Variants in ASZ1 observed in about 807,000 individuals in gnomAD.
ASZ1 encodes the protein ankyrin repeat, SAM and basic leucine zipper domain containing 1, also known as ankyrin repeat, SAM and basic leucine zipper domain-containing protein 1.
A neutral mutation model predicts 61.8 loss-of-function variants in ASZ1; 67 were observed. The observed-to-expected ratio is 1.08, with a 90% CI of 0.89 to 1.33. The LOEUF is 1.33. Ranked by LOEUF, ASZ1 falls within the 40% of genes most tolerant of loss-of-function variation. The pLI is 0.00. For synonymous variants in ASZ1, 193 were observed against 192.7 expected (o/e 1.00, Z -0.01); for missense variants, 577 against 554.5 (o/e 1.04, Z -0.41).
chr7:117,423,114 C>A (rs912746789), intron 2 of ASZ1, among the ~76,000 whole-genome samples: 1 of 152,104 alleles, frequency 6.6e-6, no homozygotes, highest in East Asian at 1.9e-4. Flanking sequence ...TGGACAACAA[C>A]AAATTAAAAA....
At chr7:117,368,030 T>C (rs1362641775) in intron 11 of ASZ1, 2 of 361,786 alleles carry the variant, frequency 5.5e-6, no homozygotes, top group Non-Finnish European at 7.7e-6. Flanking sequence ...CACAGGTGCA[T>C]GCCATCATGC....
intron 4 of ASZ1, among the ~76,000 whole-genome samples, chr7:117,398,078 T>C (rs1029773019): frequency 2.6e-5 from 4 of 152,218 alleles, no homozygotes; most frequent in Admixed American, 1.3e-4. Context: ...AAAGGTAAAA[T>C]GGTTGGTCTT....
intron 11 of ASZ1, 191 bp downstream of exon 11, chr7:117,368,421 A>G: frequency 8.0e-7 from 1 of 1,255,314 alleles, no homozygotes; most frequent in Non-Finnish European, 1.0e-6. Context: ...GAAGGCAAGA[A>G]TACAAAGTTT....
chr7:117,366,651 A>G (rs1210047547), intron 12 of ASZ1, among the ~76,000 whole-genome samples: 1 of 151,652 alleles, frequency 6.6e-6, no homozygotes, highest in Non-Finnish European at 1.5e-5. Context: ...ATACAGATAT[A>G]TATTATATAT....
chr7:117,382,875 GTAAACATTTAAAATATCATATATTT>G, intron 7 of ASZ1, 86 bp downstream of exon 7: 5 of 1,168,492 alleles, frequency 4.3e-6, no homozygotes, highest in Non-Finnish European at 4.4e-6. Context: ...AAAAATGCTT[GTAAACATTTAAAATATCATATATTT>G]TAAATAAGTC....
At chr7:117,382,184 A>G (rs777563848) in intron 7 of ASZ1, 40 bp from the exon 8 acceptor site, 8 of 1,163,454 alleles carry the variant, frequency 6.9e-6, no homozygotes, top group African/African-American at 1.5e-5. Flanking sequence ...AGAACAGATT[A>G]TAAATGCACA....
intron 9 of ASZ1, among the ~76,000 whole-genome samples, chr7:117,380,689 A>G (rs1266909271): frequency 6.6e-6 from 1 of 151,788 alleles, no homozygotes; most frequent in Non-Finnish European, 1.5e-5. Context: ...CCATATACAT[A>G]AAAAAACTAT....
At chr7:117,407,005 TTTGA>T (rs1422998052) in intron 4 of ASZ1, among the ~76,000 whole-genome samples, 1 of 151,920 alleles carries the variant, frequency 6.6e-6, no homozygotes, top group East Asian at 1.9e-4. Flanking sequence ...AAAAATAATA[TTTGA>T]TTAATCAAAA....
At chr7:117,400,165 A>T (rs1796653545) in intron 4 of ASZ1, among the ~76,000 whole-genome samples, 1 of 152,220 alleles carries the variant, frequency 6.6e-6, no homozygotes, top group Non-Finnish European at 1.5e-5. Flanking sequence ...TAATCTTTTT[A>T]ATCTGCTTAA....
Position 117,377,212 on chromosome 7 carries a change from G to T in ASZ1, c.1055+2726C>A, listed in dbSNP as rs143765270. On this transcript the variant is annotated intron_variant, in intron 10 of 12. Coordinates refer to ENST00000284629, the MANE Select transcript of ASZ1 (RefSeq NM_130768.3). ...GAAATATGCATGAGATCTGTATGAT[G>T]AAAATGACAAAATGCTGATGAAAGA... Among the ~76,000 whole-genome samples, 14 of 152,276 alleles carry T rather than the reference G, an allele frequency of 9.2e-5. No homozygotes were observed. The East Asian group carries it at 2.3e-3, about 25-fold the overall frequency.
rs1796265046 is a variant in ASZ1 at position 117,382,098 on chromosome 7, C to T, written c.859G>A (p.Gly287Arg). Residue 287 changes from glycine (G) to arginine (R), a missense_variant, in exon 8 of 13, where the codon GGA becomes AGA. Physicochemically the swap from Gly to Arg is moderately radical, Grantham distance 125. Coordinates refer to ENST00000284629, the MANE Select transcript of ASZ1 (RefSeq NM_130768.3). ...AGTAAATCTGTCATATGTTCAAGTC[C>T]AAGACCATGTAAAAATACTTCCAGA... The part of the protein sequence containing the change: ...GDLEVFLHGL[G>R]LEHMTDLLKE... 1 of 1,597,566 alleles carries T rather than the reference C, an allele frequency of 6.3e-7. No individual in the cohort carries two copies. Among genetic ancestry groups the T allele is most frequent in the Admixed American group, 1.7e-5 (1 of 59,762 alleles).
At position 117,384,869 on chromosome 7, in the gene ASZ1, A is replaced by T; in HGVS notation, c.553-9T>A. On this transcript the variant is annotated splice_polypyrimidine_tract_variant and intron_variant, in intron 5 of 12. Transcript: ENST00000284629. ...GCTGCCCACGTTAAAGCCTGTAAGT[A>T]GGGGGAAAAGAAGATTGTTTAAAGA... The T allele has an allele frequency of 6.4e-7, 1 of 1,559,734 alleles. No individual in the cohort carries two copies. Among genetic ancestry groups the T allele is most frequent in the Non-Finnish European group, 8.6e-7 (1 of 1,160,174 alleles).
At chr7:117,387,059 G>C (rs1326518343) in intron 4 of ASZ1, among the ~76,000 whole-genome samples, 1 of 151,432 alleles carries the variant, frequency 6.6e-6, no homozygotes, top group Non-Finnish European at 1.5e-5. Flanking sequence ...TTACCACTTG[G>C]GGGGCTAAGG....
intron 3 of ASZ1, 45 bp downstream of exon 3, chr7:117,422,192 G>C: frequency 6.3e-7 from 1 of 1,578,290 alleles, no homozygotes; most frequent in Non-Finnish European, 8.6e-7. Flanking sequence ...GGAAACCAAG[G>C]AATCACAGTA....
At chr7:117,369,872 C>G (rs1052803749) in intron 10 of ASZ1, among the ~76,000 whole-genome samples, 3 of 152,142 alleles carry the variant, frequency 2.0e-5, no homozygotes, top group South Asian at 2.1e-4. Context: ...ATTCAGCTTC[C>G]ACACTTATTA....
At chr7:117,387,165 A>AT (rs1008427293) in intron 4 of ASZ1, among the ~76,000 whole-genome samples, 2 of 148,494 alleles carry the variant, frequency 1.3e-5, no homozygotes, top group African/African-American at 5.0e-5. Context: ...AAAAAAAAAA[A>AT]TTAGCTGGAT....
At chr7:117,398,162 G>A (rs1427339399) in intron 4 of ASZ1, among the ~76,000 whole-genome samples, 1 of 152,080 alleles carries the variant, frequency 6.6e-6, no homozygotes, top group African/African-American at 2.4e-5. Flanking sequence ...CTATCCTATG[G>A]AGTGCTATCT....
chr7:117,387,290 C>T (rs1297853149), intron 4 of ASZ1, among the ~76,000 whole-genome samples: 1 of 149,906 alleles, frequency 6.7e-6, no homozygotes, highest in Non-Finnish European at 1.5e-5. Context: ...CCTAGGCAAC[C>T]AGAGTGAGAC....
At chr7:117,375,435 T>C (rs192428619) in intron 10 of ASZ1, among the ~76,000 whole-genome samples, 1 of 152,232 alleles carries the variant, frequency 6.6e-6, no homozygotes, top group East Asian at 1.9e-4. Flanking sequence ...TAATGATTCT[T>C]CATGTATATT....
Sources: allele counts gnomAD v4.1 joint callset (sites outside exome capture counted in the v4.1 genomes callset), GRCh38; gene constraint gnomAD v4.1.1; transcripts MANE v1.5; gene names NCBI Gene and HGNC (gene_info 2026-07-23, HGNC 2026-07-21).